Variants in RFX3 observed in about 807,000 individuals in gnomAD.
The protein encoded by RFX3 is transcription factor RFX3.
In RFX3, 14 loss-of-function variants were observed where a neutral mutation model predicts 98.6. That is an observed-to-expected ratio of 0.14 (90% CI 0.09 to 0.22). RFX3 has a LOEUF of 0.22. Among genes scored for constraint, RFX3 ranks in the 10% least tolerant of loss-of-function variants. The pLI is 1.00. For missense variants in RFX3, 639 were observed against 926.9 expected (o/e 0.69, Z 4.03); for synonymous variants, 383 against 328.4 (o/e 1.17, Z -1.80).
At chr9:3,401,925 G>C (rs1841514370) in intron 1 of RFX3, among the ~76,000 whole-genome samples, 1 of 152,200 alleles carries the variant, frequency 6.6e-6, no homozygotes, top group Admixed American at 6.5e-5. Context: ...AACAAGATTA[G>C]CATTTCTTCA....
chr9:3,464,274 G>A (rs1026254990), intron 1 of RFX3, among the ~76,000 whole-genome samples: 1 of 152,112 alleles, frequency 6.6e-6, no homozygotes, highest in African/African-American at 2.4e-5. Context: ...CAATCGCTTT[G>A]TACACATTTA....
At chr9:3,524,676 A>T (rs1819039750) in intron 1 of RFX3, 13 of 948,916 alleles carry the variant, frequency 1.4e-5, no homozygotes, top group Non-Finnish European at 1.6e-5. Context: ...TCACAATGAA[A>T]ATTGTTAACA....
At chr9:3,282,549 C>T (rs998480444) in intron 7 of RFX3, among the ~76,000 whole-genome samples, 2 of 151,588 alleles carry the variant, frequency 1.3e-5, no homozygotes, top group South Asian at 2.1e-4. Flanking sequence ...TAGAGAGCAC[C>T]GACAATGTGC....
intron 1 of RFX3, among the ~76,000 whole-genome samples, chr9:3,409,750 G>A (rs967703493): frequency 2.0e-5 from 3 of 152,168 alleles, no homozygotes; most frequent in African/African-American, 7.2e-5. Flanking sequence ...TTTTGGTGAA[G>A]GAGTAATCGG....
At chr9:3,502,349 T>C (rs1201080341) in intron 1 of RFX3, among the ~76,000 whole-genome samples, 2 of 152,156 alleles carry the variant, frequency 1.3e-5, no homozygotes, top group Admixed American at 6.6e-5. Context: ...TGAGCTGATT[T>C]TTGAAATCAA....
chr9:3,426,454 G>A (rs1018390355), intron 1 of RFX3, among the ~76,000 whole-genome samples: 1 of 151,888 alleles, frequency 6.6e-6, no homozygotes, highest in African/African-American at 2.4e-5. Context: ...AACTGTCTGT[G>A]GAACCCACCC....
intron 1 of RFX3, among the ~76,000 whole-genome samples, chr9:3,477,551 A>T (rs1849380448): frequency 6.6e-6 from 1 of 152,096 alleles, no homozygotes; most frequent in African/African-American, 2.4e-5. Flanking sequence ...CCTATTGAGG[A>T]TTCCTTGTAA....
intron 3 of RFX3, among the ~76,000 whole-genome samples, chr9:3,333,814 T>C (rs1832860986): frequency 6.6e-6 from 1 of 152,156 alleles, no homozygotes; most frequent in African/African-American, 2.4e-5. Flanking sequence ...CCCCTACTAG[T>C]AAGTAGATTT....
At chr9:3,504,852 T>TAAA (rs1816633972) in intron 1 of RFX3, among the ~76,000 whole-genome samples, 1 of 30,520 alleles carries the variant, frequency 3.3e-5, no homozygotes. Context: ...ATATATATTA[T>TAAA]ATATGATATA....
intron 1 of RFX3, among the ~76,000 whole-genome samples, chr9:3,499,044 AC>A (rs1276059181): frequency 1.3e-5 from 2 of 152,270 alleles, no homozygotes; most frequent in Non-Finnish European, 2.9e-5. Flanking sequence ...TAACAAAGGG[AC>A]AAAATGCTAA....
At chr9:3,457,909 AG>A (rs1346942988) in intron 1 of RFX3, among the ~76,000 whole-genome samples, 6 of 152,098 alleles carry the variant, frequency 3.9e-5, no homozygotes, top group African/African-American at 1.4e-4. Flanking sequence ...GTGGAATTGT[AG>A]GCTTCTATAT....
At chr9:3,315,101 C>T (rs1427214862) in intron 4 of RFX3, among the ~76,000 whole-genome samples, 1 of 152,030 alleles carries the variant, frequency 6.6e-6, no homozygotes, top group Non-Finnish European at 1.5e-5. Context: ...ACACTTATTC[C>T]AAAATTGACC....
At chr9:3,505,262 T>TTATATATATATGAATATATTTA (rs1816873437) in intron 1 of RFX3, among the ~76,000 whole-genome samples, 1 of 73,596 alleles carries the variant, frequency 1.4e-5, no homozygotes, top group African/African-American at 8.8e-5. Flanking sequence ...GAATATATAT[T>TTATATATATATGAATATATTTA]TATATATATA....
chr9:3,383,336 T>C (rs1260057874), intron 2 of RFX3, among the ~76,000 whole-genome samples: 2 of 152,196 alleles, frequency 1.3e-5, no homozygotes, highest in African/African-American at 2.4e-5. Flanking sequence ...CATTTCTTGA[T>C]AATGCATAGT....
intron 1 of RFX3, among the ~76,000 whole-genome samples, chr9:3,462,984 T>A (rs192467912): frequency 0.015 from 2,300 of 152,218 alleles, 31 homozygotes; most frequent in South Asian, 0.039. Flanking sequence ...AATATATTAA[T>A]TTTCTTGAAA....
Position 3,413,422 on chromosome 9 carries a change from T to C in RFX3, c.-8-17826A>G, listed in dbSNP as rs554063411. Among the ~76,000 whole-genome samples, 298 of 152,240 alleles carry C rather than the reference T, an allele frequency of 2.0e-3. 2 individuals carry two copies. The highest frequency in any genetic ancestry group is 0.017 in the South Asian group (84 of 4,828). On this transcript the variant is annotated intron_variant, in intron 1 of 16. Transcript: ENST00000617270. ...GGAGTTTAATATTTTAGGAACATCATACTATAGCTTATGATTTGTTTAAGT... is the reference window on the plus strand; with the variant it reads ...GGAGTTTAATATTTTAGGAACATCACACTATAGCTTATGATTTGTTTAAGT...
intron 7 of RFX3, among the ~76,000 whole-genome samples, chr9:3,281,688 G>C (rs1241467398): frequency 6.6e-6 from 1 of 151,772 alleles, no homozygotes; most frequent in Non-Finnish European, 1.5e-5. Flanking sequence ...TTTAATAGCT[G>C]ACTGTATGCA....
intron 1 of RFX3, among the ~76,000 whole-genome samples, chr9:3,445,053 A>T (rs1845923993): frequency 6.6e-6 from 1 of 152,190 alleles, no homozygotes; most frequent in African/African-American, 2.4e-5. Context: ...ACATTCATGA[A>T]ACTTAAAGCC....
intron 1 of RFX3, among the ~76,000 whole-genome samples, chr9:3,494,962 G>A (rs978199187): frequency 1.3e-4 from 19 of 151,982 alleles, no homozygotes; most frequent in African/African-American, 3.9e-4. Context: ...CTTACCAATA[G>A]TGAGAGTCTG....
Sources: allele counts gnomAD v4.1 joint callset (sites outside exome capture counted in the v4.1 genomes callset), GRCh38; gene constraint gnomAD v4.1.1; transcripts MANE v1.5; gene names NCBI Gene and HGNC (gene_info 2026-07-23, HGNC 2026-07-21).